The following ADCY9 variants were observed in gnomAD, a reference collection of about 807,000 sequenced individuals.
ADCY9 encodes the protein adenylate cyclase 9.
Under a neutral mutation model 101.5 loss-of-function variants are expected in ADCY9, and 50 were observed. The ratio of observed to expected loss-of-function variants is 0.49; its 90% confidence interval spans 0.39 to 0.62. ADCY9 has a LOEUF of 0.62. Among genes scored for constraint, ADCY9 ranks in the 20% least tolerant of loss-of-function variants. The pLI is 0.00. For synonymous variants in ADCY9, 905 were observed against 769.3 expected (o/e 1.18, Z -2.92); for missense variants, 1,662 against 1,800.4 (o/e 0.92, Z 1.39).
At chr16:4,005,900 C>T (rs1459321239) in intron 3 of ADCY9, among the ~76,000 whole-genome samples, 10 of 152,174 alleles carry the variant, frequency 6.6e-5, no homozygotes, top group Non-Finnish European at 1.2e-4. Context: ...ATTCCCGATT[C>T]CACCCCACGC....
In ADCY9 at chr16:3,992,462, G is replaced by T; in HGVS notation, c.1990-99C>A. 1 of 1,101,336 alleles carries T rather than the reference G, an allele frequency of 9.1e-7. No individual in the cohort carries two copies. The highest frequency in any genetic ancestry group is 1.3e-6 in the Non-Finnish European group (1 of 765,978). 68.2% of individuals were successfully genotyped at this position (1,101,336 alleles called of 1,614,324 possible). Reference sequence around the variant, plus strand: ...ACCCCGACCTCCGCTGCGGGGCGCTGCTGCACTGGGCGTGGGACTTTCTGA... The same window carrying T: ...ACCCCGACCTCCGCTGCGGGGCGCTTCTGCACTGGGCGTGGGACTTTCTGA... On this transcript the variant is annotated intron_variant, in intron 4 of 10. Coordinates refer to ENST00000294016, the MANE Select transcript of ADCY9 (RefSeq NM_001116.4). This position sits in a 1 kb window ranked among gnomAD's most constrained non-coding sequence, Gnocchi z 4.2.
At chr16:4,032,001 G>C (rs145921710) in intron 2 of ADCY9, 1 of 151,938 alleles carries the variant, frequency 6.6e-6, no homozygotes, top group Non-Finnish European at 1.5e-5. Flanking sequence ...AGTTGGATAA[G>C]AAAACCAAAA....
chr16:3,988,597 G>C (rs1567425615), intron 6 of ADCY9, among the ~76,000 whole-genome samples: 1 of 139,418 alleles, frequency 7.2e-6, no homozygotes, highest in Non-Finnish European at 1.6e-5. Context: ...TCCATGGCAG[G>C]TGGGGGGGGT....
intron 3 of ADCY9, among the ~76,000 whole-genome samples, chr16:3,998,697 A>AAAC (rs1355133553): frequency 7.0e-6 from 1 of 142,066 alleles, no homozygotes; most frequent in Non-Finnish European, 1.5e-5. Flanking sequence ...CAAAAGAGCA[A>AAAC]AACTCTGTCT....
intron 2 of ADCY9, among the ~76,000 whole-genome samples, chr16:4,096,861 C>T (rs1344717829): frequency 6.6e-6 from 1 of 151,278 alleles, no homozygotes; most frequent in Non-Finnish European, 1.5e-5. Flanking sequence ...ATAAATGATT[C>T]AAAAGCTGCT....
chr16:4,028,508 A>C (rs575346555), intron 2 of ADCY9, among the ~76,000 whole-genome samples: 1 of 152,334 alleles, frequency 6.6e-6, no homozygotes, highest in Admixed American at 6.5e-5. Context: ...AAAAGACTAC[A>C]ATAGTGCATG....
rs114568080 is a variant in ADCY9, at chr16:3,966,507, G to A, written c.3330C>T (p.Ile1110=). The A allele has an allele frequency of 1.7e-3, 2,719 of 1,614,148 alleles. 44 individuals are homozygous for A. The African/African-American group carries it at 0.03, about 18-fold the overall frequency. Residue 1110 remains isoleucine, a synonymous_variant, in exon 11 of 11, where the codon ATC becomes ATT. Coordinates refer to ENST00000294016, the MANE Select transcript of ADCY9 (RefSeq NM_001116.4). ...CTGACGCCGCCATGTACGTGGCTCC[G>A]ATGGTCTTGATCTTCTCGATGCTGC... ...DYSSIEKIKT[I]GATYMAASGL... is the part of the protein sequence containing the mutation.
At chr16:3,971,918 C>T (rs1279343742) in intron 10 of ADCY9, among the ~76,000 whole-genome samples, 10 of 152,150 alleles carry the variant, frequency 6.6e-5, no homozygotes, top group South Asian at 2.1e-4. Context: ...TCGAGACGGG[C>T]GCAGGCCAGG....
intron 2 of ADCY9, among the ~76,000 whole-genome samples, chr16:4,109,777 C>T (rs780699724): frequency 1.6e-4 from 25 of 152,150 alleles, no homozygotes; most frequent in Non-Finnish European, 3.1e-4. Flanking sequence ...GGGATTTACT[C>T]GACACCTCAT....
chr16:3,980,825 G>A (rs963604415), intron 7 of ADCY9, among the ~76,000 whole-genome samples: 2 of 152,226 alleles, frequency 1.3e-5, no homozygotes, highest in African/African-American at 4.8e-5. Context: ...AGTCAGCAGC[G>A]GGAAAGATGT....
intron 2 of ADCY9, among the ~76,000 whole-genome samples, chr16:4,014,898 T>A (rs192599237): frequency 6.7e-6 from 1 of 149,830 alleles, no homozygotes; most frequent in African/African-American, 2.5e-5. Context: ...CAAATGGGAA[T>A]GACAGGCATC....
At chr16:4,076,080 G>A (rs1037371046) in intron 2 of ADCY9, among the ~76,000 whole-genome samples, 1 of 152,174 alleles carries the variant, frequency 6.6e-6, no homozygotes, top group Non-Finnish European at 1.5e-5. Context: ...TGTGGTCCCA[G>A]CTACTTGGGA....
At chr16:4,002,492 C>T (rs1449055190) in intron 3 of ADCY9, among the ~76,000 whole-genome samples, 1 of 152,126 alleles carries the variant, frequency 6.6e-6, no homozygotes, top group Non-Finnish European at 1.5e-5. Flanking sequence ...TGAATCATCC[C>T]CGTATGGGTA....
At chr16:4,088,280 G>T (rs1343293686) in intron 2 of ADCY9, among the ~76,000 whole-genome samples, 1 of 151,900 alleles carries the variant, frequency 6.6e-6, no homozygotes, top group Non-Finnish European at 1.5e-5. Flanking sequence ...TGATGGAAAT[G>T]AAGATTCTGG....
At chr16:4,080,736 A>G (rs2056896687) in intron 2 of ADCY9, among the ~76,000 whole-genome samples, 1 of 150,524 alleles carries the variant, frequency 6.6e-6, no homozygotes, top group South Asian at 2.1e-4. Flanking sequence ...TTTTTTGTAA[A>G]AATATCAATT....
chr16:4,030,665 C>T (rs1452845604), intron 2 of ADCY9, among the ~76,000 whole-genome samples: 4 of 151,366 alleles, frequency 2.6e-5, no homozygotes, highest in East Asian at 1.9e-4. Context: ...GTCATGGCAT[C>T]GCGCTCCAGC....
chr16:4,115,574 C>G lies in ADCY9; in HGVS notation c.-43-89G>C. On this transcript the variant is annotated intron_variant, in intron 1 of 10. Transcript: ENST00000294016. The surrounding 1 kb of genome is among the most constrained non-coding windows in gnomAD (Gnocchi z 6.2). The stretch of plus-strand genomic sequence containing the variant: ...GACCTGCTCCTGTCCTAAGGGGCGG[C>G]TCCAGCACGCGACCTGGACAGGCAC... 1.8e-6 allele frequency: 2 copies of G among 1,138,036 alleles called. No homozygotes were observed. Among genetic ancestry groups the G allele is most frequent in the Non-Finnish European group, 2.4e-6 (2 of 829,318 alleles). The allele number at this position is 1,138,036 out of a possible 1,614,324, so 70.5% of individuals were successfully genotyped here.
At chr16:4,038,095 G>A (rs1181465266) in intron 2 of ADCY9, among the ~76,000 whole-genome samples, 1 of 152,058 alleles carries the variant, frequency 6.6e-6, no homozygotes, top group East Asian at 1.9e-4. Flanking sequence ...GCAACACAGC[G>A]AAGACTCCGT....
Position 4,020,966 on chromosome 16 carries a change from G to A in ADCY9, c.1694-13408C>T, listed in dbSNP as rs59996877. On this transcript the variant is annotated intron_variant, in intron 2 of 10. Transcript: ENST00000294016. ...ACCCTATAAGTGGGATGAGATACTGGTTCACAACTCTAATTTAGAGCCTAT... is the reference window on the plus strand; with the variant it reads ...ACCCTATAAGTGGGATGAGATACTGATTCACAACTCTAATTTAGAGCCTAT... Among the ~76,000 whole-genome samples, 451 of 152,190 alleles carry A rather than the reference G, an allele frequency of 3.0e-3. 3 individuals are homozygous for A. Among genetic ancestry groups the A allele is most frequent in the African/African-American group, 9.2e-3 (383 of 41,522 alleles).
Sources: allele counts gnomAD v4.1 joint callset (sites outside exome capture counted in the v4.1 genomes callset), GRCh38; gene constraint gnomAD v4.1.1; non-coding constraint Gnocchi (gnomAD v3.1); transcripts MANE v1.5; gene names NCBI Gene and HGNC (gene_info 2026-07-23, HGNC 2026-07-21).